Variants in FILIP1L observed in about 807,000 individuals in gnomAD.
The protein encoded by FILIP1L is filamin A interacting protein 1 like.
Under a neutral mutation model 96.6 loss-of-function variants are expected in FILIP1L, and 55 were observed. That is an observed-to-expected ratio of 0.57 (90% CI 0.46 to 0.71). The LOEUF (loss-of-function observed/expected upper bound fraction) is 0.71. Ranked by LOEUF, FILIP1L falls within the 30% of genes least tolerant of loss-of-function variation. FILIP1L has a pLI of 0.00. For synonymous variants in FILIP1L, 467 were observed against 473.9 expected (o/e 0.99, Z 0.19); for missense variants, 1,304 against 1,321.2 (o/e 0.99, Z 0.20).
chr3:99,967,566 A>T (rs1332145962), intron 1 of FILIP1L, among the ~76,000 whole-genome samples: 1 of 152,146 alleles, frequency 6.6e-6, no homozygotes, highest in African/African-American at 2.4e-5. Context: ...GTGAGTCCCT[A>T]CACCTGGATG....
chr3:100,008,247 C>G (rs1710043938), intron 1 of FILIP1L, among the ~76,000 whole-genome samples: 1 of 152,140 alleles, frequency 6.6e-6, no homozygotes, highest in Non-Finnish European at 1.5e-5. Flanking sequence ...CTACTCCACC[C>G]CTGCTTCCCA....
intron 1 of FILIP1L, among the ~76,000 whole-genome samples, chr3:100,065,508 A>G (rs1188325129): frequency 1.3e-5 from 2 of 152,190 alleles, no homozygotes; most frequent in African/African-American, 4.8e-5. Context: ...TGGCTGCCTC[A>G]TCCTAGAAAC....
At chr3:100,037,754 G>A (rs963952479) in intron 1 of FILIP1L, among the ~76,000 whole-genome samples, 2 of 152,132 alleles carry the variant, frequency 1.3e-5, no homozygotes, top group African/African-American at 2.4e-5. Context: ...GCATAAAGCT[G>A]TGTATAAGTG....
chr3:99,955,034 T>C (rs1708280055), intron 1 of FILIP1L, among the ~76,000 whole-genome samples: 1 of 152,246 alleles, frequency 6.6e-6, no homozygotes, highest in African/African-American at 2.4e-5. Flanking sequence ...TAATGGTAAA[T>C]GAAAGGGTAT....
At chr3:99,966,621 C>T (rs1708661150) in intron 1 of FILIP1L, among the ~76,000 whole-genome samples, 1 of 152,162 alleles carries the variant, frequency 6.6e-6, no homozygotes. Flanking sequence ...TCTGTATATA[C>T]AGTTTGATTT....
chr3:100,047,148 C>A (rs886321389), intron 1 of FILIP1L, among the ~76,000 whole-genome samples: 1 of 152,162 alleles, frequency 6.6e-6, no homozygotes, highest in Admixed American at 6.5e-5. Flanking sequence ...ATAATACTTT[C>A]TCTGCCTACC....
chr3:99,910,342 G>A (rs1465200190), intron 4 of FILIP1L, among the ~76,000 whole-genome samples: 2 of 136,576 alleles, frequency 1.5e-5, no homozygotes, highest in South Asian at 2.5e-4. Context: ...TCACACTGTC[G>A]ACTGATAGAA....
intron 1 of FILIP1L, among the ~76,000 whole-genome samples, chr3:100,031,630 T>G (rs918657137): frequency 6.6e-6 from 1 of 152,094 alleles, no homozygotes; most frequent in Non-Finnish European, 1.5e-5. Context: ...TCTTTTTTTT[T>G]AACTAACGCA....
intron 4 of FILIP1L, among the ~76,000 whole-genome samples, chr3:99,861,154 T>G (rs1264534630): frequency 1.3e-5 from 2 of 152,172 alleles, no homozygotes; most frequent in South Asian, 4.2e-4. Context: ...GTTTCCTCTT[T>G]TCCATACTTT....
intron 4 of FILIP1L, among the ~76,000 whole-genome samples, chr3:99,861,111 C>T (rs1165987913): frequency 6.6e-6 from 1 of 151,556 alleles, no homozygotes; most frequent in Non-Finnish European, 1.5e-5. Flanking sequence ...AATTGGGGTT[C>T]TTGATTATTT....
intron 1 of FILIP1L, among the ~76,000 whole-genome samples, chr3:100,009,602 A>G (rs902779315): frequency 2.0e-5 from 3 of 152,218 alleles, no homozygotes; most frequent in South Asian, 2.1e-4. Context: ...TTTCATGAAC[A>G]TCAGTATTCA....
intron 1 of FILIP1L, among the ~76,000 whole-genome samples, chr3:100,006,027 G>A (rs1279429945): frequency 2.0e-5 from 3 of 152,136 alleles, no homozygotes; most frequent in Non-Finnish European, 4.4e-5. Context: ...GATAGGAAGT[G>A]GGATAGAAGT....
At chr3:99,991,741 G>A (rs1709516374) in intron 1 of FILIP1L, among the ~76,000 whole-genome samples, 1 of 151,668 alleles carries the variant, frequency 6.6e-6, no homozygotes, top group South Asian at 2.1e-4. Flanking sequence ...GAGGATAATG[G>A]CCTCCAGTTC....
intron 4 of FILIP1L, among the ~76,000 whole-genome samples, chr3:99,872,283 G>C (rs1944833805): frequency 7.0e-6 from 1 of 143,172 alleles, no homozygotes; most frequent in African/African-American, 2.6e-5. Flanking sequence ...GTGTGTGTGT[G>C]TGTGTGTGTG....
At chr3:99,983,474 A>G (rs372699909) in intron 1 of FILIP1L, among the ~76,000 whole-genome samples, 419 of 16,656 alleles carry the variant, frequency 0.025, 14 homozygotes, top group South Asian at 0.16. Context: ...GTATATATAT[A>G]TATATATATA....
intron 1 of FILIP1L, among the ~76,000 whole-genome samples, chr3:99,966,972 G>T (rs570843833): frequency 1.3e-5 from 2 of 152,262 alleles, no homozygotes; most frequent in East Asian, 1.9e-4. Context: ...CTATACAGGT[G>T]GGGGATTGGA....
intron 1 of FILIP1L, among the ~76,000 whole-genome samples, chr3:100,068,350 CTGTGTGTG>C (rs62958661): frequency 9.1e-4 from 136 of 149,504 alleles, no homozygotes; most frequent in African/African-American, 2.5e-3. Flanking sequence ...GAAAGAGCCT[CTGTGTGTG>C]TGTGTGTGTG....
intron 4 of FILIP1L, among the ~76,000 whole-genome samples, chr3:99,857,270 G>A (rs751236947): frequency 2.6e-5 from 4 of 152,172 alleles, no homozygotes; most frequent in Non-Finnish European, 5.9e-5. Flanking sequence ...TGTTCTCCAA[G>A]AACATTATTT....
intron 5 of FILIP1L, among the ~76,000 whole-genome samples, chr3:99,844,760 C>T (rs1210995967): frequency 2.0e-5 from 3 of 152,138 alleles, no homozygotes; most frequent in South Asian, 2.1e-4. Flanking sequence ...CCGTTTGGAT[C>T]GTGGGGTGGT....
Sources: gnomAD v4.1 joint callset for allele counts (sites outside exome capture counted in the v4.1 genomes callset) on GRCh38, gnomAD v4.1.1 for gene constraint, MANE v1.5 for transcripts, NCBI Gene and HGNC (gene_info 2026-07-23, HGNC 2026-07-21) for gene names.